Variants in ANO4 observed in about 807,000 individuals in gnomAD.
ANO4 encodes the protein anoctamin-4.
In ANO4, 69 loss-of-function variants were observed where a neutral mutation model predicts 141.9. The observed-to-expected ratio is 0.49, with a 90% CI of 0.40 to 0.59. ANO4 has a LOEUF of 0.59. Among genes scored for constraint, ANO4 ranks in the 20% least tolerant of loss-of-function variants. The pLI, the probability that ANO4 is intolerant of heterozygous loss-of-function variation, is 0.00. For synonymous variants in ANO4, 350 were observed against 394.3 expected (o/e 0.89, Z 1.33); for missense variants, 894 against 1,162.2 (o/e 0.77, Z 3.36).
intron 13 of ANO4, among the ~76,000 whole-genome samples, chr12:101,044,192 C>T (rs561255810): frequency 2.0e-5 from 3 of 152,216 alleles, no homozygotes; most frequent in Admixed American, 2.0e-4. Flanking sequence ...ACTCTTTTTT[C>T]ATAGAAAGAA....
intron 8 of ANO4, among the ~76,000 whole-genome samples, chr12:100,994,853 A>C (rs2136369222): frequency 6.6e-6 from 1 of 152,304 alleles, no homozygotes; most frequent in Non-Finnish European, 1.5e-5. Flanking sequence ...AATAAATTAT[A>C]AACCAGCAGT....
intron 8 of ANO4, among the ~76,000 whole-genome samples, chr12:101,000,165 C>G (rs1396534237): frequency 6.6e-6 from 1 of 152,008 alleles, no homozygotes; most frequent in Non-Finnish European, 1.5e-5. Flanking sequence ...TACTGAGAAT[C>G]CTTTGGAGAA....
chr12:100,734,363 G>A (rs912218159), intron 2 of ANO4, among the ~76,000 whole-genome samples: 6 of 152,148 alleles, frequency 3.9e-5, no homozygotes, highest in Non-Finnish European at 5.9e-5. Flanking sequence ...TACTTTGGTC[G>A]AAAGTAGAAG....
chr12:101,065,581 C>G (rs2048546576), intron 14 of ANO4, among the ~76,000 whole-genome samples: 1 of 152,090 alleles, frequency 6.6e-6, no homozygotes, highest in Non-Finnish European at 1.5e-5. Context: ...AAAATCTGAA[C>G]AGACCAATAA....
intron 9 of ANO4, among the ~76,000 whole-genome samples, chr12:101,028,697 A>G (rs745433709): frequency 6.6e-6 from 1 of 152,210 alleles, no homozygotes; most frequent in African/African-American, 2.4e-5. Flanking sequence ...CAAACCTACA[A>G]TTGATTGGAG....
At chr12:101,096,453 C>T in intron 18 of ANO4, 83 bp from the exon 19 acceptor site, 1 of 1,122,498 alleles carries the variant, frequency 8.9e-7, no homozygotes, top group Non-Finnish European at 1.3e-6. Context: ...CGTCCCCACC[C>T]TGTGTGTGTG....
chr12:101,019,971 A>C (rs2046457388), intron 8 of ANO4, 63 bp from the exon 9 acceptor site: 1 of 1,384,498 alleles, frequency 7.2e-7, no homozygotes, highest in Non-Finnish European at 1.0e-6. Flanking sequence ...CCAAATTATA[A>C]CAAAAATTAG....
chr12:101,004,333 T>C (rs1482045835), intron 8 of ANO4, among the ~76,000 whole-genome samples: 4 of 151,920 alleles, frequency 2.6e-5, no homozygotes, highest in Non-Finnish European at 5.9e-5. Context: ...GGGGAGGAGA[T>C]TCTGCCCTTG....
chr12:100,886,539 C>T (rs1313172419), intron 1 of ANO4, among the ~76,000 whole-genome samples: 1 of 152,034 alleles, frequency 6.6e-6, no homozygotes, highest in Non-Finnish European at 1.5e-5. Flanking sequence ...AGAAATCTAC[C>T]CAGCAATGAG....
At chr12:100,730,339 T>C (rs935241987) in intron 1 of ANO4, among the ~76,000 whole-genome samples, 3 of 152,142 alleles carry the variant, frequency 2.0e-5, no homozygotes, top group Admixed American at 6.5e-5. Context: ...ATAAGCACTA[T>C]TGTTACCATT....
chr12:101,036,873 C>T (rs1288793546), intron 9 of ANO4, among the ~76,000 whole-genome samples: 1 of 152,090 alleles, frequency 6.6e-6, no homozygotes, highest in Non-Finnish European at 1.5e-5. Flanking sequence ...TGAATAGATT[C>T]GATCTTTATT....
chr12:100,783,771 CA>C (rs2033779629), intron 3 of ANO4, among the ~76,000 whole-genome samples: 1 of 152,184 alleles, frequency 6.6e-6, no homozygotes, highest in African/African-American at 2.4e-5. Flanking sequence ...TACTAGCCCA[CA>C]ACTGCGTTTC....
intron 3 of ANO4, among the ~76,000 whole-genome samples, chr12:100,759,664 AC>A (rs1217214461): frequency 6.6e-6 from 1 of 152,198 alleles, no homozygotes; most frequent in Non-Finnish European, 1.5e-5. Context: ...AATATGAACT[AC>A]TTTTTCAGTT....
chr12:100,958,613 C>T (rs1021524377), intron 5 of ANO4, among the ~76,000 whole-genome samples: 2 of 152,070 alleles, frequency 1.3e-5, no homozygotes, highest in African/African-American at 4.8e-5. Flanking sequence ...TTTGGGAGGC[C>T]AAGGTGGAAG....
At chr12:101,082,846 G>C (rs1283380365) in intron 15 of ANO4, among the ~76,000 whole-genome samples, 1 of 151,494 alleles carries the variant, frequency 6.6e-6, no homozygotes, top group Non-Finnish European at 1.5e-5. Context: ...CATTTCAGCA[G>C]AGTTTCTGCT....
At chr12:101,048,163 C>G in intron 13 of ANO4, 178 bp from the exon 14 acceptor site, 2 of 1,011,866 alleles carry the variant, frequency 2.0e-6, no homozygotes, top group East Asian at 5.4e-5. Flanking sequence ...TATGAACTAC[C>G]TTGCAATTAG....
chr12:100,847,475 A>ATTT lies in ANO4; in HGVS notation c.-141+52460_-141+52462dup, dbSNP rs59985012. The stretch of plus-strand genomic sequence containing the variant: ...AACACCTCAAATGGTGGCCAAGATA[A>ATTT]TTTTTTTTTTTTTTGAGGTGGAGTC... On this transcript the variant is annotated intron_variant, in intron 1 of 27. Transcript: ENST00000392977. 1.9e-3 allele frequency among the ~76,000 whole-genome samples: 259 copies of ATTT among 136,866 alleles called. 13 individuals are homozygous for ATTT. Among genetic ancestry groups the ATTT allele is most frequent in the Middle Eastern group, 4.0e-3 (1 of 248 alleles). The allele number at this position is 136,866 out of a possible 152,430, so 89.8% of individuals were successfully genotyped here.
chr12:100,894,475 C>T (rs1054413166), intron 1 of ANO4, among the ~76,000 whole-genome samples: 2 of 151,962 alleles, frequency 1.3e-5, no homozygotes, highest in African/African-American at 4.8e-5. Flanking sequence ...TGCTCAAAGC[C>T]CCTCCAAACC....
intron 6 of ANO4, among the ~76,000 whole-genome samples, chr12:100,972,463 G>A (rs1050784795): frequency 6.6e-6 from 1 of 152,096 alleles, no homozygotes; most frequent in African/African-American, 2.4e-5. Flanking sequence ...TCTAGCATCT[G>A]TTTTCCTGGA....
Sources: gnomAD v4.1 joint callset for allele counts (sites outside exome capture counted in the v4.1 genomes callset) on GRCh38, gnomAD v4.1.1 for gene constraint, MANE v1.5 for transcripts, NCBI Gene and HGNC (gene_info 2026-07-23, HGNC 2026-07-21) for gene names.